DDX6: variants seen among roughly 807,000 people sequenced by gnomAD.
DDX6 encodes the protein probable ATP-dependent RNA helicase DDX6.
Under a neutral mutation model 60.6 loss-of-function variants are expected in DDX6, and 7 were observed. The observed-to-expected ratio is 0.12, with a 90% CI of 0.07 to 0.22. The LOEUF is 0.22. DDX6 is among the 10% of genes least tolerant of loss of function. The pLI, the probability that DDX6 is intolerant of heterozygous loss-of-function variation, is 1.00. For missense variants in DDX6, 270 were observed against 589.9 expected (o/e 0.46, Z 5.62); for synonymous variants, 207 against 201.0 (o/e 1.03, Z -0.25).
chr11:118,777,886 C>A (rs1861752455), intron 4 of DDX6, among the ~76,000 whole-genome samples: 1 of 87,246 alleles, frequency 1.1e-5, no homozygotes, highest in African/African-American at 4.2e-5. Context: ...TAGACTCCAT[C>A]TCAAAAAAGA....
At chr11:118,763,852 A>AG (rs1565566178) in intron 6 of DDX6, among the ~76,000 whole-genome samples, 9 of 146,336 alleles carry the variant, frequency 6.2e-5, no homozygotes, top group Non-Finnish European at 8.9e-5. Flanking sequence ...AAAAAAAAAA[A>AG]AAAGAAAGAA....
chr11:118,783,469 A>G (rs1011281352), intron 2 of DDX6, among the ~76,000 whole-genome samples: 4 of 152,186 alleles, frequency 2.6e-5, no homozygotes, highest in African/African-American at 9.7e-5. Context: ...GATGAACGGC[A>G]TGAGCCATCA....
chr11:118,748,889 T>C lies in DDX6; in HGVS notation c.*3216A>G, dbSNP rs1308583963. The C allele has an allele frequency of 6.6e-6, 1 of 152,212 alleles. No homozygotes were observed. The highest frequency in any genetic ancestry group is 6.5e-5 in the Admixed American group (1 of 15,278). The allele number at this position is 152,212 out of a possible 1,614,324, so 9.4% of individuals were successfully genotyped here. On this transcript the variant is annotated 3_prime_UTR_variant, in exon 14 of 14. Coordinates refer to ENST00000534980, the MANE Select transcript of DDX6 (RefSeq NM_004397.6). Reference sequence around the variant, plus strand: ...CACAAAGCACGTGGCAAAGGAAAGATGCTCCCATCTCATTCTGAAAACAAA... The same window carrying C: ...CACAAAGCACGTGGCAAAGGAAAGACGCTCCCATCTCATTCTGAAAACAAA...
Position 118,781,103 on chromosome 11 carries a change from A to AT in DDX6, c.264+17dup. The stretch of plus-strand genomic sequence containing the variant: ...AGTTCCCCACCATTATTCTACTTGT[A>AT]TTTTACAACCAACTTACCGAAGTTT... On this transcript the variant is annotated intron_variant, in intron 3 of 13. Coordinates refer to ENST00000534980, the MANE Select transcript of DDX6 (RefSeq NM_004397.6). 2 of 1,562,446 alleles carry AT rather than the reference A, an allele frequency of 1.3e-6. No individual in the cohort carries two copies. The highest frequency in any genetic ancestry group is 1.8e-6 in the Non-Finnish European group (2 of 1,139,650).
At chr11:118,774,464 C>CTTTTTTTTTTT (rs11442846) in intron 4 of DDX6, among the ~76,000 whole-genome samples, 2 of 116,406 alleles carry the variant, frequency 1.7e-5, no homozygotes, top group Admixed American at 9.7e-5. Flanking sequence ...CTCTAACAGT[C>CTTTTTTTTTTT]TTTTTTTTTT....
chr11:118,779,628 A>G lies in DDX6; in HGVS notation c.369+4T>C, dbSNP rs782152474. 8.8e-6 allele frequency: 14 copies of G among 1,595,112 alleles called. No individual in the cohort carries two copies. The highest frequency in any genetic ancestry group is 1.2e-5 in the Non-Finnish European group (14 of 1,166,624). ...TACATATGTGATAAAAAGGGTTAAC[A>G]TACCTGAATAGGAGATGGCTTTTCC... On this transcript the variant is annotated splice_donor_region_variant and intron_variant, in intron 4 of 13. Transcript: ENST00000534980.
At chr11:118,762,737 T>C (rs1469573647) in intron 7 of DDX6, among the ~76,000 whole-genome samples, 1 of 152,228 alleles carries the variant, frequency 6.6e-6, no homozygotes, top group African/African-American at 2.4e-5. Flanking sequence ...AGGGACCATC[T>C]GTACATGTAC....
intron 12 of DDX6, 40 bp from the exon 13 acceptor site, chr11:118,754,927 T>C: frequency 2.0e-6 from 3 of 1,522,686 alleles, no homozygotes; most frequent in Non-Finnish European, 2.7e-6. Flanking sequence ...GAATAAAATA[T>C]GAAAATCAAT....
At chr11:118,756,057 T>G (rs1437835703) in intron 11 of DDX6, among the ~76,000 whole-genome samples, 2 of 117,162 alleles carry the variant, frequency 1.7e-5, no homozygotes, top group South Asian at 2.9e-4. Context: ...GAGGTATGAG[T>G]GCCAGAGTAA....
Position 118,748,628 on chromosome 11 carries a change from G to A in DDX6, c.*3477C>T, listed in dbSNP as rs1860641196. 1 of 152,040 alleles carries A rather than the reference G, an allele frequency of 6.6e-6. No homozygotes were observed. The highest frequency in any genetic ancestry group is 6.6e-5 in the Admixed American group (1 of 15,258). 9.4% of individuals were successfully genotyped at this position (152,040 alleles called of 1,614,324 possible). On this transcript the variant is annotated 3_prime_UTR_variant, in exon 14 of 14. Transcript: ENST00000534980. ...TCATTTTTTTGTTACTCATCTAGAAGGTCAGGAGTGTGGCTAAAGGCAGTT... is the reference window on the plus strand; with the variant it reads ...TCATTTTTTTGTTACTCATCTAGAAAGTCAGGAGTGTGGCTAAAGGCAGTT...
At chr11:118,774,616 G>T (rs1222668125) in intron 4 of DDX6, among the ~76,000 whole-genome samples, 2 of 151,778 alleles carry the variant, frequency 1.3e-5, no homozygotes, top group Admixed American at 1.3e-4. Context: ...TACAGTCAGG[G>T]TTTTGTCATG....
At chr11:118,757,029 C>A (rs1204737008) in intron 10 of DDX6, 142 bp downstream of exon 10, 4 of 452,360 alleles carry the variant, frequency 8.8e-6, no homozygotes, top group African/African-American at 8.2e-5. Flanking sequence ...GAAAATTGAA[C>A]CTGAGGGAGG....
rs782136763 is a variant in DDX6, at chr11:118,768,987, C to CAAAAAAAAAAA, written c.370-646_370-636dup. On this transcript the variant is annotated intron_variant, in intron 4 of 13. Coordinates refer to ENST00000534980, the MANE Select transcript of DDX6 (RefSeq NM_004397.6). ...GCATGAAAGAGACCTCGTCTCATCT[C>CAAAAAAAAAAA]AAAAAAAAAAAAAAAAAAAAAAGGC... Among the ~76,000 whole-genome samples, 123 of 39,980 alleles carry CAAAAAAAAAAA rather than the reference C, an allele frequency of 3.1e-3. 30 individuals are homozygous for CAAAAAAAAAAA. The highest frequency in any genetic ancestry group is 8.5e-3 in the African/African-American group (83 of 9,808). The allele number at this position is 39,980 out of a possible 152,430, so 26.2% of individuals were successfully genotyped here.
At chr11:118,771,269 G>C (rs1861525634) in intron 4 of DDX6, among the ~76,000 whole-genome samples, 1 of 150,516 alleles carries the variant, frequency 6.6e-6, no homozygotes, top group Non-Finnish European at 1.5e-5. Flanking sequence ...AAGTGAGGCA[G>C]AACAGAATTA....
In DDX6 at chr11:118,751,985, T is replaced by C; in HGVS notation, c.*120A>G. The C allele has an allele frequency of 2.8e-6, 1 of 354,612 alleles. No individual in the cohort carries two copies. Among genetic ancestry groups the C allele is most frequent in the South Asian group, 2.4e-5 (1 of 41,930 alleles). 22.0% of individuals were successfully genotyped at this position (354,612 alleles called of 1,614,324 possible). On this transcript the variant is annotated 3_prime_UTR_variant, in exon 14 of 14. Transcript: ENST00000534980. ...TTAAAAAAAGAAAATGTCTGAGCTC[T>C]TTTAAGTCTTCATAGTTCCAAAATA...
intron 4 of DDX6, among the ~76,000 whole-genome samples, chr11:118,772,797 A>G (rs1185029380): frequency 2.0e-5 from 3 of 152,180 alleles, no homozygotes; most frequent in Non-Finnish European, 4.4e-5. Flanking sequence ...TTACTCTAGT[A>G]TCCCTTTACT....
intron 4 of DDX6, among the ~76,000 whole-genome samples, chr11:118,774,203 A>G (rs988961097): frequency 6.6e-6 from 1 of 152,190 alleles, no homozygotes; most frequent in African/African-American, 2.4e-5. Flanking sequence ...CATAACCCCA[A>G]AGTTAATATA....
At chr11:118,785,588 C>T (rs2137554727) in intron 2 of DDX6, among the ~76,000 whole-genome samples, 1 of 151,634 alleles carries the variant, frequency 6.6e-6, no homozygotes, top group Middle Eastern at 3.4e-3. Flanking sequence ...GTGAATAATG[C>T]TTGGAGTTCA....
intron 4 of DDX6, among the ~76,000 whole-genome samples, chr11:118,777,248 C>T (rs1476754191): frequency 1.3e-5 from 2 of 152,080 alleles, no homozygotes; most frequent in East Asian, 1.9e-4. Context: ...CACATGTTGG[C>T]TCAATGAAAA....
Sources: gnomAD v4.1 joint callset for allele counts (sites outside exome capture counted in the v4.1 genomes callset) on GRCh38, gnomAD v4.1.1 for gene constraint, MANE v1.5 for transcripts, NCBI Gene and HGNC (gene_info 2026-07-23, HGNC 2026-07-21) for gene names.